HUNK: variants seen among roughly 807,000 people sequenced by gnomAD.
HUNK encodes the protein hormonally up-regulated neu tumor-associated kinase.
In HUNK, 21 loss-of-function variants were observed where a neutral mutation model predicts 61.0. That is an observed-to-expected ratio of 0.34 (90% CI 0.24 to 0.50). The LOEUF is 0.50. Ranked by LOEUF, HUNK falls within the 20% of genes least tolerant of loss-of-function variation. The probability of loss-of-function intolerance (pLI) is 0.98; values close to 1 mark genes in which losing one functional copy is unlikely to be tolerated. For missense variants in HUNK, 772 were observed against 945.7 expected (o/e 0.82, Z 2.41); for synonymous variants, 371 against 386.1 (o/e 0.96, Z 0.46).
At chr21:31,934,650 T>A (rs1464148602) in intron 2 of HUNK, among the ~76,000 whole-genome samples, 1 of 152,122 alleles carries the variant, frequency 6.6e-6, no homozygotes, top group African/African-American at 2.4e-5. Context: ...TCAACCCTCG[T>A]CCTCCTCTTT....
chr21:31,880,107 C>G (rs2052295014), intron 1 of HUNK, among the ~76,000 whole-genome samples: 1 of 152,186 alleles, frequency 6.6e-6, no homozygotes, highest in African/African-American at 2.4e-5. Flanking sequence ...TCCCTCTCCT[C>G]CATCACCAGC....
intron 4 of HUNK, among the ~76,000 whole-genome samples, chr21:31,947,019 T>G (rs867141356): frequency 9.9e-4 from 139 of 140,154 alleles, no homozygotes; most frequent in African/African-American, 2.2e-3. Flanking sequence ...CCACATCCCA[T>G]TCTCAAGCCA....
rs558830849 is a variant in HUNK at position 31,939,716 on chromosome 21, TG to T, written c.555-448del. 4.1e-4 allele frequency among the ~76,000 whole-genome samples: 57 copies of T among 138,948 alleles called. 1 individual carries two copies. Among genetic ancestry groups the T allele is most frequent in the Middle Eastern group, 3.6e-3 (1 of 276 alleles). The allele number at this position is 138,948 out of a possible 152,430, so 91.2% of individuals were successfully genotyped here. The stretch of plus-strand genomic sequence containing the variant: ...AGCCACCGTGCCCGGCCTCATGTGT[TG>T]TTTTTTTTTTTTTTTTTTTAAATTG... On this transcript the variant is annotated intron_variant, in intron 2 of 10. Coordinates refer to ENST00000270112, the MANE Select transcript of HUNK (RefSeq NM_014586.2).
chr21:31,906,054 G>A (rs921357469), intron 1 of HUNK, among the ~76,000 whole-genome samples: 1 of 151,996 alleles, frequency 6.6e-6, no homozygotes, highest in Admixed American at 6.6e-5. Context: ...CCCCTGCCAT[G>A]CACTGGCTTG....
In HUNK at chr21:31,873,957, G is replaced by T; in HGVS notation, c.261+22G>T. ...GAAGGTGAGTCTCCCGGGCGCCGTGGGGCTGGGGCACAGGGGCGGGAGTCG... is the reference window on the plus strand; with the variant it reads ...GAAGGTGAGTCTCCCGGGCGCCGTGTGGCTGGGGCACAGGGGCGGGAGTCG... On this transcript the variant is annotated intron_variant, in intron 1 of 10. Coordinates refer to ENST00000270112, the MANE Select transcript of HUNK (RefSeq NM_014586.2). This position sits in a 1 kb window ranked among gnomAD's most constrained non-coding sequence, Gnocchi z 6.1. The T allele has an allele frequency of 6.8e-7, 1 of 1,473,046 alleles. No homozygotes were observed. Among genetic ancestry groups the T allele is most frequent in the Non-Finnish European group, 9.0e-7 (1 of 1,110,882 alleles). The allele number at this position is 1,473,046 out of a possible 1,614,324, so 91.2% of individuals were successfully genotyped here.
rs142887921 is a variant in HUNK, at chr21:31,979,202, T to A, written c.1174-4324T>A. On this transcript the variant is annotated intron_variant, in intron 7 of 10. Transcript: ENST00000270112. ...ACTGCAACCTCTGCTTACTGCAACC[T>A]CTGCCTCCTGGATTCAAGCAATTCT... Among the ~76,000 whole-genome samples the A allele has an allele frequency of 1.5e-3, 222 of 149,896 alleles. 6 individuals are homozygous for A. The East Asian group carries it at 0.04, about 27-fold the overall frequency.
chr21:31,884,289 G>GA lies in HUNK; in HGVS notation c.261+10360dup, dbSNP rs1303080822. Among the ~76,000 whole-genome samples the GA allele has an allele frequency of 8.6e-5, 13 of 151,850 alleles. No homozygotes were observed. The East Asian group carries it at 2.5e-3, about 29-fold the overall frequency. On this transcript the variant is annotated intron_variant, in intron 1 of 10. Coordinates refer to ENST00000270112, the MANE Select transcript of HUNK (RefSeq NM_014586.2). ...AAAGGTGCCTGACTGAGGTTGCAGT[G>GA]AAAAAATAAAAAAATAAAAAAGGCC...
chr21:31,990,936 A>T (rs1216067124), intron 9 of HUNK, among the ~76,000 whole-genome samples: 1 of 152,208 alleles, frequency 6.6e-6, no homozygotes, highest in Non-Finnish European at 1.5e-5. Context: ...ATATGAAATT[A>T]ACCATCACAT....
chr21:31,936,324 A>C (rs887327054), intron 2 of HUNK, among the ~76,000 whole-genome samples: 3 of 152,240 alleles, frequency 2.0e-5, no homozygotes, highest in Admixed American at 1.3e-4. Flanking sequence ...TCTGGAAGAA[A>C]GTGTTCTCTC....
rs959813017 is a variant in HUNK at position 31,998,931 on chromosome 21, C to A, written c.1892C>A (p.Pro631Gln). The A allele has an allele frequency of 1.5e-5, 24 of 1,614,104 alleles. No homozygotes were observed. The highest frequency in any genetic ancestry group is 2.0e-5 in the Non-Finnish European group (24 of 1,180,040). Reference protein sequence around the residue: ...SFAHEDKNSPPKEEGLCCPPP... With the variant: ...SFAHEDKNSPQKEEGLCCPPP... Reference sequence around the variant, plus strand: ...GCTCACGAAGATAAGAACAGCCCCCCAAAAGAGGAGGGCCTGTGTTGCCCA... The same window carrying A: ...GCTCACGAAGATAAGAACAGCCCCCAAAAAGAGGAGGGCCTGTGTTGCCCA... Residue 631 changes from proline to glutamine, a missense_variant, in exon 11 of 11, where the codon CCA becomes CAA. Pro to Gln is a moderately conservative substitution (Grantham distance 76). Around this residue, in one of 2 missense-constraint regions of HUNK, gnomAD observed 413 missense variants for 444.4 expected, o/e 0.93. Transcript: ENST00000270112.
chr21:31,972,322 GTACCATT>G (rs2053017284), intron 6 of HUNK, among the ~76,000 whole-genome samples: 1 of 152,090 alleles, frequency 6.6e-6, no homozygotes, highest in Admixed American at 6.6e-5. Context: ...CTGGAACATT[GTACCATT>G]CTCTGTGTCA....
chr21:31,972,304 CTAGTATTCTGGA>C (rs2053017044), intron 6 of HUNK, among the ~76,000 whole-genome samples: 1 of 152,120 alleles, frequency 6.6e-6, no homozygotes, highest in Admixed American at 6.6e-5. Flanking sequence ...CAAATTATAT[CTAGTATTCTGGA>C]ACATTGTACC....
chr21:31,966,497 G>A (rs1213007529), intron 5 of HUNK, among the ~76,000 whole-genome samples: 1 of 152,166 alleles, frequency 6.6e-6, no homozygotes, highest in Non-Finnish European at 1.5e-5. Flanking sequence ...CTCTTCAACA[G>A]TATGGGAACC....
intron 9 of HUNK, 136 bp from the exon 10 acceptor site, chr21:31,995,632 A>T: frequency 4.0e-6 from 3 of 748,062 alleles, no homozygotes; most frequent in Non-Finnish European, 6.7e-6. Context: ...CTCCTCCCTC[A>T]TTCAACACAC....
In HUNK at chr21:31,932,680, G is replaced by A. The variant is rs549125034; in HGVS notation, c.555-7485G>A. 4.6e-5 allele frequency among the ~76,000 whole-genome samples: 7 copies of A among 152,212 alleles called. No individual in the cohort carries two copies. In the South Asian group the frequency reaches 8.3e-4, roughly 18 times the overall value. ...GTCTGCTGTGATGGGTCCCCTTTGA[G>A]CATTTCTTCCTGGAACTGCCTAATG... On this transcript the variant is annotated intron_variant, in intron 2 of 10. Coordinates refer to ENST00000270112, the MANE Select transcript of HUNK (RefSeq NM_014586.2).
In HUNK at chr21:31,931,326, T is replaced by C. The variant is rs144563100; in HGVS notation, c.554+6566T>C. Among the ~76,000 whole-genome samples, 56 of 152,234 alleles carry C rather than the reference T, an allele frequency of 3.7e-4. No homozygotes were observed. The East Asian group carries it at 6.6e-3, about 18-fold the overall frequency. ...CCAATACTCTTTGCTTATGGCCAAATTAATCACCTCTTTTAAGTATTTTCT... is the reference window on the plus strand; with the variant it reads ...CCAATACTCTTTGCTTATGGCCAAACTAATCACCTCTTTTAAGTATTTTCT... On this transcript the variant is annotated intron_variant, in intron 2 of 10. Coordinates refer to ENST00000270112, the MANE Select transcript of HUNK (RefSeq NM_014586.2).
chr21:31,965,594 C>CTTTT (rs71193162), intron 5 of HUNK, among the ~76,000 whole-genome samples: 4 of 127,482 alleles, frequency 3.1e-5, no homozygotes, highest in Admixed American at 1.6e-4. Flanking sequence ...CTTTGTTTTT[C>CTTTT]TTTTTTTTTT....
intron 5 of HUNK, among the ~76,000 whole-genome samples, chr21:31,967,644 C>T (rs1056532617): frequency 3.9e-5 from 6 of 152,046 alleles, no homozygotes; most frequent in Non-Finnish European, 5.9e-5. Context: ...GGGAGGTGGG[C>T]GGCGGTGCAG....
rs2052237199 is a variant in HUNK, at chr21:31,873,975, G to A, written c.261+40G>A. The stretch of plus-strand genomic sequence containing the variant: ...CGCCGTGGGGCTGGGGCACAGGGGC[G>A]GGAGTCGGCGGCCAGGACCCCGCGG... On this transcript the variant is annotated intron_variant, in intron 1 of 10. Transcript: ENST00000270112. This position sits in a 1 kb window ranked among gnomAD's most constrained non-coding sequence, Gnocchi z 6.1. 3 of 1,398,158 alleles carry A rather than the reference G, an allele frequency of 2.1e-6. No homozygotes were observed. The highest frequency in any genetic ancestry group is 2.5e-5 in the Admixed American group (1 of 40,578). The allele number at this position is 1,398,158 out of a possible 1,614,324, so 86.6% of individuals were successfully genotyped here. A position where few individuals can be genotyped will look rare whatever the true frequency, so the allele number is the denominator to read the frequency against.
Sources: gnomAD v4.1 joint callset for allele counts (sites outside exome capture counted in the v4.1 genomes callset) on GRCh38, gnomAD v4.1.1 for gene constraint, gnomAD v4.1.1 regional missense constraint, Gnocchi (gnomAD v3.1) non-coding constraint, MANE v1.5 for transcripts, NCBI Gene and HGNC (gene_info 2026-07-23, HGNC 2026-07-21) for gene names.